The following MTARC2 variants were observed in gnomAD, a reference collection of about 807,000 sequenced individuals.
MTARC2 encodes mitochondrial amidoxime reducing component 2, also known as MOCO sulphurase C-terminal domain containing 2.
Under a neutral mutation model 35.6 loss-of-function variants are expected in MTARC2, and 27 were observed. The observed-to-expected ratio is 0.76, with a 90% CI of 0.56 to 1.04. The LOEUF (loss-of-function observed/expected upper bound fraction) is 1.04. Among genes scored for constraint, MTARC2 ranks in the 50% least tolerant of loss-of-function variants. The probability of loss-of-function intolerance (pLI) is 0.00; values close to 1 mark genes in which losing one functional copy is unlikely to be tolerated. For missense variants in MTARC2, 412 were observed against 432.5 expected, an observed-to-expected ratio of 0.95 and a Z score of 0.42; for synonymous variants, 158 against 167.1, an observed-to-expected ratio of 0.95 and a Z score of 0.42.
At position 220,755,092 on chromosome 1, in the gene MTARC2, C is replaced by A. The variant is rs900065211; in HGVS notation, c.418C>A (p.Pro140Thr). 6 of 1,610,608 alleles carry A rather than the reference C, an allele frequency of 3.7e-6. No homozygotes were observed. The highest frequency in any genetic ancestry group is 2.7e-5 in the African/African-American group (2 of 74,740). ...CCAGCTGGTTTTGCCTAGCAAGCAGCCTTCCTCAAACAAACTCCACAACTG... is the reference window on the plus strand; with the variant it reads ...CCAGCTGGTTTTGCCTAGCAAGCAGACTTCCTCAAACAAACTCCACAACTG... ...MDQLVLPSKQ[P>T]SSNKLHNCRI... Residue 140 changes from proline to threonine, a missense_variant, in exon 2 of 8, where the codon CCT becomes ACT. By Grantham distance (38) the Pro-to-Thr change is conservative. Transcript: ENST00000366913.
At chr1:220,773,419 C>T (rs951563508) in intron 4 of MTARC2, among the ~76,000 whole-genome samples, 1 of 152,182 alleles carries the variant, frequency 6.6e-6, no homozygotes, top group African/African-American at 2.4e-5. Context: ...GACTTGCGTC[C>T]TTTATAATAA....
At chr1:220,755,656 C>T (rs969583634) in intron 2 of MTARC2, among the ~76,000 whole-genome samples, 1 of 152,026 alleles carries the variant, frequency 6.6e-6, no homozygotes, top group South Asian at 2.1e-4. Flanking sequence ...ATGTAAGCAC[C>T]AAATAAAGGA....
rs993457852 is a variant in MTARC2, at chr1:220,748,389, C to G, written c.-143C>G. 2 of 833,534 alleles carry G rather than the reference C, an allele frequency of 2.4e-6. No homozygotes were observed. Among genetic ancestry groups the G allele is most frequent in the Admixed American group, 4.4e-5 (1 of 22,718 alleles). The allele number at this position is 833,534 out of a possible 1,614,324, so 51.6% of individuals were successfully genotyped here. Reference sequence around the variant, plus strand: ...TCTCCGCGGAACTGCTCTGCCGTCTCGGCGGTGAAAGTGTGAGAGGGTCCG... The same window carrying G: ...TCTCCGCGGAACTGCTCTGCCGTCTGGGCGGTGAAAGTGTGAGAGGGTCCG... On this transcript the variant is annotated 5_prime_UTR_variant, in exon 1 of 8. Transcript: ENST00000366913.
intron 4 of MTARC2, among the ~76,000 whole-genome samples, chr1:220,767,225 G>A (rs868773342): frequency 6.6e-6 from 1 of 152,096 alleles, no homozygotes; most frequent in African/African-American, 2.4e-5. Flanking sequence ...AGTAGTTAAA[G>A]GCCTAATGCA....
chr1:220,754,287 C>G (rs1671216859), intron 1 of MTARC2: 1 of 456,156 alleles, frequency 2.2e-6, no homozygotes, highest in Middle Eastern at 3.3e-4. Flanking sequence ...AAAACCAAGT[C>G]CAGTACAGTG....
chr1:220,763,443 C>T (rs1671496496), intron 4 of MTARC2, among the ~76,000 whole-genome samples: 1 of 152,188 alleles, frequency 6.6e-6, no homozygotes, highest in South Asian at 2.1e-4. Flanking sequence ...GACCCATGCC[C>T]CAAAGTGCAG....
chr1:220,783,251 T>A lies in MTARC2; in HGVS notation c.*32-668T>A, dbSNP rs1238051361. On this transcript the variant is annotated intron_variant, in intron 7 of 7. Coordinates refer to ENST00000366913, the MANE Select transcript of MTARC2 (RefSeq NM_017898.5). The stretch of plus-strand genomic sequence containing the variant: ...CAGTGATGCATATAATAATGGTGCA[T>A]CTTACAATTGGTATATCTTGGATTT... 3.9e-5 allele frequency among the ~76,000 whole-genome samples: 6 copies of A among 152,338 alleles called. No homozygotes were observed. The East Asian group carries it at 9.6e-4, about 24-fold the overall frequency.
chr1:220,778,288 G>A (rs938611538), intron 4 of MTARC2, among the ~76,000 whole-genome samples: 3 of 150,586 alleles, frequency 2.0e-5, no homozygotes, highest in East Asian at 3.9e-4. Context: ...AAAGAAAAGC[G>A]GTTCATGGTT....
chr1:220,770,315 G>T (rs1242630635), intron 4 of MTARC2: 1 of 866,498 alleles, frequency 1.2e-6, no homozygotes, highest in Non-Finnish European at 1.4e-6. Context: ...TGAATTCGAG[G>T]CAAGGACTTG....
At chr1:220,763,329 T>C (rs1671493663) in intron 4 of MTARC2, among the ~76,000 whole-genome samples, 1 of 152,160 alleles carries the variant, frequency 6.6e-6, no homozygotes, top group Non-Finnish European at 1.5e-5. Context: ...TATGTAATCA[T>C]AGCTCAGAGA....
intron 2 of MTARC2, among the ~76,000 whole-genome samples, chr1:220,757,940 C>T (rs1185134729): frequency 1.3e-5 from 2 of 152,114 alleles, no homozygotes; most frequent in Non-Finnish European, 1.5e-5. Flanking sequence ...TTGGACAAGG[C>T]TGAAGTGTTA....
rs775123257 is a variant in MTARC2 at position 220,748,579 on chromosome 1, C to T, written c.48C>T (p.Ala16=). 1.4e-6 allele frequency: 2 copies of T among 1,450,256 alleles called. No homozygotes were observed. Among genetic ancestry groups the T allele is most frequent in the Non-Finnish European group, 1.8e-6 (2 of 1,110,270 alleles). 89.8% of individuals were successfully genotyped at this position (1,450,256 alleles called of 1,614,324 possible). A position where few individuals can be genotyped will look rare whatever the true frequency, so the allele number is the denominator to read the frequency against. ...SSALARLGLP[A]RPWPRWLGVA... The stretch of plus-strand genomic sequence containing the variant: ...CGCTGGCCCGCCTCGGCCTCCCAGC[C>T]CGGCCCTGGCCCAGGTGGCTCGGGG... Residue 16 remains alanine (A), a synonymous_variant, in exon 1 of 8, where the codon GCC becomes GCT. Transcript: ENST00000366913.
At chr1:220,751,802 G>A (rs2172699) in intron 1 of MTARC2, among the ~76,000 whole-genome samples, 8,453 of 152,216 alleles carry the variant, frequency 0.056, 347 homozygotes, top group East Asian at 0.2. Flanking sequence ...GGCTTTTAGT[G>A]TTGCAGACTA....
At position 220,761,703 on chromosome 1, in the gene MTARC2, A is replaced by T; in HGVS notation, c.492A>T (p.Ala164=). The T allele has an allele frequency of 6.2e-7, 1 of 1,614,142 alleles. No individual in the cohort carries two copies. Among genetic ancestry groups the T allele is most frequent in the East Asian group, 2.2e-5 (1 of 44,888 alleles). ...AAGGCAGAGACTGTGGCAATGAGGC[A>T]GCTAAGTGGTTCACCAACTTCTTGA... The part of the protein sequence containing the change: ...DIKGRDCGNE[A]AKWFTNFLKT... The change falls in exon 3 of 8, where the codon GCA becomes GCT. Residue 164 remains alanine (A), a synonymous_variant. Transcript: ENST00000366913.
intron 2 of MTARC2, among the ~76,000 whole-genome samples, chr1:220,758,748 G>A (rs1488753841): frequency 2.6e-5 from 4 of 152,118 alleles, no homozygotes; most frequent in African/African-American, 9.7e-5. Flanking sequence ...TGAAGCTAAT[G>A]TTTTAAAGTA....
intron 6 of MTARC2, among the ~76,000 whole-genome samples, chr1:220,780,505 T>G (rs1003464924): frequency 4.7e-5 from 7 of 149,382 alleles, no homozygotes; most frequent in African/African-American, 1.7e-4. Context: ...CAGGCTGGAG[T>G]GCAGTGGCGT....
Position 220,784,124 on chromosome 1 carries a change from T to C in MTARC2, c.*237T>C, listed in dbSNP as rs1363933631. ...AAGTATATATATAAATTTTAGGTAC[T>C]GAAGGCTTTAAAAATAATTAAGATC... On this transcript the variant is annotated 3_prime_UTR_variant, in exon 8 of 8. Coordinates refer to ENST00000366913, the MANE Select transcript of MTARC2 (RefSeq NM_017898.5). 4.0e-6 allele frequency: 2 copies of C among 505,006 alleles called. No individual in the cohort carries two copies. The highest frequency in any genetic ancestry group is 3.8e-5 in the South Asian group (1 of 26,216). The allele number at this position is 505,006 out of a possible 1,614,324, so 31.3% of individuals were successfully genotyped here. A position where few individuals can be genotyped will look rare whatever the true frequency, so the allele number is the denominator to read the frequency against.
chr1:220,778,298 T>A (rs925150977), intron 4 of MTARC2, among the ~76,000 whole-genome samples: 1 of 151,570 alleles, frequency 6.6e-6, no homozygotes, highest in Non-Finnish European at 1.5e-5. Context: ...GGTTCATGGT[T>A]CTGCAGTCTG....
chr1:220,782,998 A>T (rs144273416), intron 7 of MTARC2, among the ~76,000 whole-genome samples: 1 of 152,240 alleles, frequency 6.6e-6, no homozygotes, highest in East Asian at 1.9e-4. Flanking sequence ...ATCCAGTCTT[A>T]GGTTCCATAG....
Sources: gnomAD v4.1 joint callset for allele counts (sites outside exome capture counted in the v4.1 genomes callset) on GRCh38, gnomAD v4.1.1 for gene constraint, MANE v1.5 for transcripts, NCBI Gene and HGNC (gene_info 2026-07-23, HGNC 2026-07-21) for gene names.